The following FCHO2 variants were observed in gnomAD, a reference collection of about 807,000 sequenced individuals.
FCHO2 encodes FCH and mu domain containing endocytic adaptor 2.
A neutral mutation model predicts 114.1 loss-of-function variants in FCHO2; 43 were observed. The observed-to-expected ratio is 0.38, with a 90% CI of 0.30 to 0.49. The LOEUF (loss-of-function observed/expected upper bound fraction) is 0.49. Among genes scored for constraint, FCHO2 ranks in the 20% least tolerant of loss-of-function variants. The pLI is 0.97. For missense variants in FCHO2, 807 were observed against 950.4 expected, an observed-to-expected ratio of 0.85 and a Z score of 1.98; for synonymous variants, 293 against 315.2, an observed-to-expected ratio of 0.93 and a Z score of 0.75.
At chr5:72,981,239 A>G (rs1753192889) in intron 2 of FCHO2, among the ~76,000 whole-genome samples, 1 of 152,116 alleles carries the variant, frequency 6.6e-6, no homozygotes. Flanking sequence ...CTGGGTTGAA[A>G]AGTCTTCTCT....
intron 2 of FCHO2, among the ~76,000 whole-genome samples, chr5:72,976,330 C>G (rs573514007): frequency 1.1e-3 from 174 of 152,162 alleles, no homozygotes; most frequent in African/African-American, 4.0e-3. Context: ...CCTCCTTGCC[C>G]AGCCTTGCAA....
At chr5:73,026,767 G>A (rs573669112) in intron 8 of FCHO2, among the ~76,000 whole-genome samples, 2 of 151,926 alleles carry the variant, frequency 1.3e-5, no homozygotes, top group Admixed American at 6.6e-5. Flanking sequence ...CTCAGGCTCA[G>A]TGCAACCTCC....
intron 8 of FCHO2, among the ~76,000 whole-genome samples, chr5:73,029,876 C>G (rs1486144317): frequency 6.6e-6 from 1 of 152,140 alleles, no homozygotes; most frequent in African/African-American, 2.4e-5. Context: ...CCAGTCATCT[C>G]CCATTAGGCC....
chr5:73,055,958 AT>A (rs1393757739), intron 15 of FCHO2, 106 bp from the exon 16 acceptor site: 20 of 726,654 alleles, frequency 2.8e-5, no homozygotes, highest in Non-Finnish European at 6.6e-6. Flanking sequence ...CAATTCCAAA[AT>A]TTTTAATTGT....
At chr5:73,076,593 G>T (rs1432837909) in intron 20 of FCHO2, among the ~76,000 whole-genome samples, 1 of 152,200 alleles carries the variant, frequency 6.6e-6, no homozygotes, top group Non-Finnish European at 1.5e-5. Flanking sequence ...GTGCAGAATT[G>T]CTGGGATTGG....
At chr5:73,014,709 CTT>C (rs570541018) in intron 6 of FCHO2, among the ~76,000 whole-genome samples, 74 of 152,128 alleles carry the variant, frequency 4.9e-4, no homozygotes, top group Non-Finnish European at 8.7e-4. Flanking sequence ...TTTTAAAACT[CTT>C]TGTTTTTTTT....
intron 10 of FCHO2, among the ~76,000 whole-genome samples, chr5:73,040,160 A>G (rs1286743141): frequency 3.3e-5 from 5 of 152,152 alleles, no homozygotes; most frequent in African/African-American, 9.7e-5. Context: ...ATCTGTTTGT[A>G]TAAGATTTTG....
intron 2 of FCHO2, among the ~76,000 whole-genome samples, chr5:72,984,967 C>G (rs553789171): frequency 6.6e-6 from 1 of 152,102 alleles, no homozygotes; most frequent in African/African-American, 2.4e-5. Context: ...GGTTGATATG[C>G]CTTTTGAGTC....
At chr5:73,043,220 C>T (rs1455827150) in intron 11 of FCHO2, among the ~76,000 whole-genome samples, 1 of 152,134 alleles carries the variant, frequency 6.6e-6, no homozygotes, top group Non-Finnish European at 1.5e-5. Context: ...GTGTGAACCA[C>T]TGTTCCTGGC....
intron 1 of FCHO2, among the ~76,000 whole-genome samples, chr5:72,961,802 G>A (rs1016259847): frequency 6.6e-6 from 1 of 151,908 alleles, no homozygotes; most frequent in Non-Finnish European, 1.5e-5. Flanking sequence ...CCATGTTGAG[G>A]CTGGTCTCGA....
At chr5:72,974,135 T>C (rs1752726926) in intron 2 of FCHO2, among the ~76,000 whole-genome samples, 1 of 149,844 alleles carries the variant, frequency 6.7e-6, no homozygotes, top group Non-Finnish European at 1.5e-5. Flanking sequence ...ATGTGGTCAG[T>C]TTTGGAATAG....
chr5:73,052,702 A>G (rs773993509), intron 13 of FCHO2, 195 bp downstream of exon 13: 1 of 517,114 alleles, frequency 1.9e-6, no homozygotes. Context: ...GAAAATGTCA[A>G]AAATTTACTA....
intron 11 of FCHO2, among the ~76,000 whole-genome samples, chr5:73,047,123 T>A (rs1260485633): frequency 1.3e-5 from 2 of 152,216 alleles, no homozygotes; most frequent in Admixed American, 6.5e-5. Context: ...AACACTTGTA[T>A]GCCCTTTATT....
intron 2 of FCHO2, among the ~76,000 whole-genome samples, chr5:72,974,914 C>CT (rs1287879300): frequency 5.9e-5 from 9 of 152,134 alleles, no homozygotes; most frequent in Non-Finnish European, 1.0e-4. Flanking sequence ...GACAAAATCT[C>CT]TCAGCATTTG....
intron 11 of FCHO2, among the ~76,000 whole-genome samples, chr5:73,050,328 A>T (rs1188471750): frequency 6.9e-6 from 1 of 144,878 alleles, no homozygotes; most frequent in Non-Finnish European, 1.5e-5. Flanking sequence ...TTATTTATTT[A>T]TTTATTTATT....
At chr5:73,063,986 T>C in intron 18 of FCHO2, 42 bp downstream of exon 18, 1 of 1,501,596 alleles carries the variant, frequency 6.7e-7, no homozygotes, top group Non-Finnish European at 9.1e-7. Flanking sequence ...ACTGTTTTGA[T>C]TTAAGATGCA....
intron 5 of FCHO2, among the ~76,000 whole-genome samples, chr5:72,995,996 A>T (rs751424269): frequency 6.6e-6 from 1 of 152,150 alleles, no homozygotes; most frequent in Non-Finnish European, 1.5e-5. Flanking sequence ...TAATCCCAGC[A>T]CTTTGGGAGG....
intron 24 of FCHO2, among the ~76,000 whole-genome samples, chr5:73,086,202 G>A (rs941757777): frequency 2.0e-5 from 3 of 152,178 alleles, no homozygotes; most frequent in African/African-American, 7.2e-5. Context: ...AGAGGGACAG[G>A]AAATATTTCT....
In FCHO2 at chr5:73,048,937, C is replaced by T. The variant is rs554246435; in HGVS notation, c.940-2412C>T. Among the ~76,000 whole-genome samples the T allele has an allele frequency of 6.7e-5, 9 of 134,064 alleles. No homozygotes were observed. The East Asian group carries it at 1.5e-3, about 23-fold the overall frequency. 88.0% of individuals were successfully genotyped at this position (134,064 alleles called of 152,430 possible). On this transcript the variant is annotated intron_variant, in intron 11 of 25. Coordinates refer to ENST00000430046, the MANE Select transcript of FCHO2 (RefSeq NM_138782.3). ...TGTCGCCCAGGCTGGAGTGCAGTGG[C>T]GCGATCTCGGCTCACTGCAAGCTCC...
Sources: gnomAD v4.1 joint callset for allele counts (sites outside exome capture counted in the v4.1 genomes callset) on GRCh38, gnomAD v4.1.1 for gene constraint, MANE v1.5 for transcripts, NCBI Gene and HGNC (gene_info 2026-07-23, HGNC 2026-07-21) for gene names.